Variants in SLC3A1 observed in about 807,000 individuals in gnomAD.
The protein encoded by SLC3A1 is solute carrier family 3 member 1.
SLC3A1 carries 78 observed loss-of-function variants against 60.3 expected under a neutral mutation model. The observed-to-expected ratio is 1.29, with a 90% CI of 1.08 to 1.56. The LOEUF (loss-of-function observed/expected upper bound fraction) is 1.56, where lower values mean the gene tolerates loss of function less well. Among genes scored for constraint, SLC3A1 ranks in the 40% most tolerant of loss-of-function variants. The pLI, the probability that SLC3A1 is intolerant of heterozygous loss-of-function variation, is 0.00. For missense variants in SLC3A1, 1,172 were observed against 858.9 expected (o/e 1.36, Z -4.56); for synonymous variants, 392 against 307.9 (o/e 1.27, Z -2.86).
chr2:44,279,539 C>T (rs928120491), intron 1 of SLC3A1, among the ~76,000 whole-genome samples: 4 of 150,324 alleles, frequency 2.7e-5, no homozygotes, highest in Non-Finnish European at 4.4e-5. Flanking sequence ...CCCACCCCTG[C>T]CTGCAGACAC....
chr2:44,279,420 C>G (rs894665040), intron 1 of SLC3A1, among the ~76,000 whole-genome samples: 1 of 152,152 alleles, frequency 6.6e-6, no homozygotes, highest in Admixed American at 6.6e-5. Context: ...TCTGTCCTTA[C>G]CCTCAGGGGT....
chr2:44,321,903 G>A (rs1672995995), downstream of SLC3A1: 3 of 1,611,704 alleles, frequency 1.9e-6, no homozygotes, highest in South Asian at 1.1e-5. Context: ...CTGATAGCCT[G>A]GAAGAGTTAA....
At position 44,280,741 on chromosome 2, in the gene SLC3A1, C is replaced by G. The variant is rs767269886; in HGVS notation, c.456C>G (p.Ile152Met). Residue 152 changes from isoleucine to methionine, a missense_variant, in exon 2 of 10, where the codon ATC (isoleucine) becomes ATG (methionine). Coordinates refer to ENST00000260649, the MANE Select transcript of SLC3A1 (RefSeq NM_000341.4). The part of the protein sequence containing the change: ...LKGIQDKLDY[I>M]TALNIKTVWI... The stretch of plus-strand genomic sequence containing the variant: ...GTATTCAAGATAAACTGGACTACAT[C>G]ACAGCTTTAAATATAAAAACTGTTT... 2 of 1,609,402 alleles carry G rather than the reference C, an allele frequency of 1.2e-6. No homozygotes were observed. The highest frequency in any genetic ancestry group is 8.5e-7 in the Non-Finnish European group (1 of 1,175,846).
Position 44,300,021 on chromosome 2 carries a change from T to C in SLC3A1, c.942T>C (p.Asp314=), listed in dbSNP as rs1671962388. 6.2e-7 allele frequency: 1 copy of C among 1,613,888 alleles called. No individual in the cohort carries two copies. Among genetic ancestry groups the C allele is most frequent in the Non-Finnish European group, 8.5e-7 (1 of 1,179,732 alleles). ...AGGGTGTTGATGGTTTTAGTTTGGA[T>C]GCTGTTAAATTCCTCCTAGAAGCAA... ...LTKGVDGFSL[D]AVKFLLEAKH... is the part of the protein sequence containing the mutation. The change falls in exon 5 of 10, where the codon GAT becomes GAC. Residue 314 remains aspartate (D), a synonymous_variant. Transcript: ENST00000260649.
intron 3 of SLC3A1, chr2:44,285,547 C>T (rs1329351448): frequency 2.3e-5 from 9 of 397,202 alleles, no homozygotes; most frequent in Non-Finnish European, 3.5e-5. Flanking sequence ...GCTTTTTATT[C>T]TTGGAGACTG....
At chr2:44,314,893 A>C (rs1337190755) in intron 9 of SLC3A1, 6 of 151,736 alleles carry the variant, frequency 4.0e-5, no homozygotes, top group African/African-American at 1.5e-4. Context: ...ATACCAGCAA[A>C]GATGGAGAAA....
chr2:44,305,317 C>A (rs962016120), intron 7 of SLC3A1, among the ~76,000 whole-genome samples: 1 of 151,982 alleles, frequency 6.6e-6, no homozygotes, highest in African/African-American at 2.4e-5. Context: ...CGTAAGATGT[C>A]TGTAGTATTA....
Position 44,315,598 on chromosome 2 carries a change from G to C in SLC3A1, c.1617+1647G>C, listed in dbSNP as rs149415987. ...CTGAGCCCAAGAGATCAAGGTTGCA[G>C]TGAGTTGTGATTACCCCAATGCACT... is the stretch of plus-strand genomic sequence containing the variant. On this transcript the variant is annotated intron_variant, in intron 9 of 9. Transcript: ENST00000260649. Among the ~76,000 whole-genome samples, 537 of 141,712 alleles carry C rather than the reference G, an allele frequency of 3.8e-3. 4 individuals carry two copies. The highest frequency in any genetic ancestry group is 0.019 in the South Asian group (82 of 4,322). The allele number at this position is 141,712 out of a possible 152,430, so 93.0% of individuals were successfully genotyped here. A position where few individuals can be genotyped will look rare whatever the true frequency, so the allele number is the denominator to read the frequency against.
chr2:44,286,031 GT>G lies in SLC3A1; in HGVS notation c.767del (p.Leu256Ter). On this transcript the variant is annotated frameshift_variant and splice_region_variant, in exon 4 of 10. Coordinates refer to ENST00000260649, the MANE Select transcript of SLC3A1 (RefSeq NM_000341.4). LOFTEE classifies it high-confidence loss of function. ...GATGTGCTGTTTTCTTTGTTTGCCA[GT>G]TAAGTGTGTATGGAAACTCCAGTTG... ...NGKTIPPNNW[L>X]SVYGNSSWHF... 6.2e-7 allele frequency: 1 copy of G among 1,614,130 alleles called. No homozygotes were observed. The highest frequency in any genetic ancestry group is 8.5e-7 in the Non-Finnish European group (1 of 1,179,994).
At chr2:44,321,793 G>C (rs1432087506), downstream of SLC3A1, 2 of 1,613,760 alleles carry the variant, frequency 1.2e-6, no homozygotes, top group Non-Finnish European at 1.7e-6. Flanking sequence ...TCTAGTTCGG[G>C]AATCTGTCCA....
chr2:44,312,977 T>C (rs1394706652), intron 8 of SLC3A1, among the ~76,000 whole-genome samples: 2 of 152,106 alleles, frequency 1.3e-5, no homozygotes, highest in Admixed American at 6.6e-5. Context: ...GTTTCTTGGG[T>C]AGGGCATTTT....
chr2:44,290,308 T>C (rs923017212), intron 4 of SLC3A1, among the ~76,000 whole-genome samples: 10 of 152,244 alleles, frequency 6.6e-5, no homozygotes, highest in African/African-American at 1.9e-4. Flanking sequence ...CTTATGTCAG[T>C]ACCACACACT....
intron 9 of SLC3A1, among the ~76,000 whole-genome samples, chr2:44,317,434 C>T (rs1026287975): frequency 8.3e-5 from 12 of 144,764 alleles, no homozygotes; most frequent in Non-Finnish European, 1.5e-4. Context: ...TGCACTCCAG[C>T]TTGGGCAACA....
chr2:44,309,201 AAAC>A (rs1672232695), intron 7 of SLC3A1, among the ~76,000 whole-genome samples: 1 of 152,150 alleles, frequency 6.6e-6, no homozygotes, highest in Non-Finnish European at 1.5e-5. Context: ...TGTACCCACT[AAAC>A]AATAATTCCT....
Position 44,309,233 on chromosome 2 carries a change from C to G in SLC3A1, c.1333-3353C>G, listed in dbSNP as rs57720220. Among the ~76,000 whole-genome samples the G allele has an allele frequency of 7.8e-3, 1,194 of 152,226 alleles. 14 individuals carry two copies. Among genetic ancestry groups the G allele is most frequent in the African/African-American group, 0.027 (1,127 of 41,552 alleles). On this transcript the variant is annotated intron_variant, in intron 7 of 9. Transcript: ENST00000260649. ...AATTCCTCACTTCCACCACTAACCC[C>G]TGATATCCTCCATTCTATTTTCAGC...
intron 9 of SLC3A1, among the ~76,000 whole-genome samples, chr2:44,316,685 G>GA (rs1436372675): frequency 6.6e-6 from 1 of 152,200 alleles, no homozygotes; most frequent in East Asian, 1.9e-4. Context: ...GATTGCCTGA[G>GA]AAAAGGGTTG....
rs942494239 is a variant in SLC3A1, at chr2:44,313,375, T to A, written c.1501-460T>A. On this transcript the variant is annotated intron_variant, in intron 8 of 9. Coordinates refer to ENST00000260649, the MANE Select transcript of SLC3A1 (RefSeq NM_000341.4). ...CCCTAATATTTGATTAAGGTGAAGCTTTTTTCCCTCTATCAGCTCCTACAT... is the reference window on the plus strand; with the variant it reads ...CCCTAATATTTGATTAAGGTGAAGCATTTTTCCCTCTATCAGCTCCTACAT... Among the ~76,000 whole-genome samples the A allele has an allele frequency of 7.2e-5, 11 of 152,170 alleles. No individual in the cohort carries two copies. In the South Asian group the frequency reaches 1.2e-3, roughly 17 times the overall value.
Position 44,312,583 on chromosome 2 carries a change from C to T in SLC3A1, c.1333-3C>T. 6.2e-7 allele frequency: 1 copy of T among 1,613,724 alleles called. No homozygotes were observed. The highest frequency in any genetic ancestry group is 8.5e-7 in the Non-Finnish European group (1 of 1,179,694). On this transcript the variant is annotated splice_polypyrimidine_tract_variant and splice_region_variant and intron_variant, in intron 7 of 9. Transcript: ENST00000260649. The stretch of plus-strand genomic sequence containing the variant: ...TGTGTTCTTAAAAATATCTGCCTTT[C>T]AGATTGGTGGACCAGACAGTTCACG...
intron 3 of SLC3A1, among the ~76,000 whole-genome samples, chr2:44,283,215 G>T (rs1273948234): frequency 1.3e-5 from 2 of 152,154 alleles, no homozygotes; most frequent in Non-Finnish European, 2.9e-5. Context: ...TGATATATTT[G>T]CAGGTCAACT....
Sources: allele counts gnomAD v4.1 joint callset (sites outside exome capture counted in the v4.1 genomes callset), GRCh38; gene constraint gnomAD v4.1.1; transcripts MANE v1.5; gene names NCBI Gene and HGNC (gene_info 2026-07-23, HGNC 2026-07-21).